Variants in HK1 observed in about 807,000 individuals in gnomAD.
The protein encoded by HK1 is hexokinase-1.
In HK1, 28 loss-of-function variants were observed where a neutral mutation model predicts 91.6. That is an observed-to-expected ratio of 0.31 (90% CI 0.23 to 0.42). HK1 has a LOEUF of 0.42. HK1 is among the 10% of genes least tolerant of loss of function. HK1 has a pLI of 1.00. For synonymous variants in HK1, 430 were observed against 468.1 expected, an observed-to-expected ratio of 0.92 and a Z score of 1.05; for missense variants, 770 against 1,219.8, an observed-to-expected ratio of 0.63 and a Z score of 5.49.
intron 5 of HK1, 88 bp downstream of exon 5, chr10:69,368,719 G>T: frequency 9.9e-7 from 1 of 1,013,756 alleles, no homozygotes; most frequent in African/African-American, 1.6e-5. Flanking sequence ...CCTTCCTGGG[G>T]GGCAGTAGTG....
intron 4 of HK1, among the ~76,000 whole-genome samples, chr10:69,296,021 T>A (rs1210492600): frequency 6.6e-6 from 1 of 151,966 alleles, no homozygotes; most frequent in Non-Finnish European, 1.5e-5. Flanking sequence ...AATGGAAGGG[T>A]CTCTCCCCTC....
At chr10:69,343,315 TTGTC>T (rs1848383916) in intron 1 of HK1, among the ~76,000 whole-genome samples, 9 of 152,222 alleles carry the variant, frequency 5.9e-5, no homozygotes, top group Admixed American at 1.3e-4. Flanking sequence ...TCATTTGAAC[TTGTC>T]CTATATGTTA....
intron 15 of HK1, among the ~76,000 whole-genome samples, chr10:69,393,170 G>A (rs949613332): frequency 1.3e-5 from 2 of 151,800 alleles, no homozygotes; most frequent in African/African-American, 4.8e-5. Context: ...TAGTAGAGAC[G>A]GGGTTTCTCC....
chr10:69,347,581 G>A (rs191048933), intron 2 of HK1, among the ~76,000 whole-genome samples: 1 of 151,694 alleles, frequency 6.6e-6, no homozygotes, highest in Non-Finnish European at 1.5e-5. Flanking sequence ...GATTACAAGT[G>A]CGCACCACCA....
At chr10:69,301,234 G>C (rs1256438721) in intron 5 of HK1, among the ~76,000 whole-genome samples, 6 of 115,116 alleles carry the variant, frequency 5.2e-5, no homozygotes, top group African/African-American at 2.1e-4. Flanking sequence ...GACAGAGCAA[G>C]ACTCCATCTC....
chr10:69,366,494 G>A (rs1407600276), intron 4 of HK1, among the ~76,000 whole-genome samples: 2 of 152,090 alleles, frequency 1.3e-5, no homozygotes, highest in East Asian at 3.9e-4. Flanking sequence ...CAAGATGAGC[G>A]CAGAGGTCTC....
At position 69,359,996 on chromosome 10, in the gene HK1, C is replaced by G; in HGVS notation, c.326C>G (p.Ser109Cys). ...HEKNQNVHMESEVYDTPENIV... is the reference protein window; with the variant it reads ...HEKNQNVHMECEVYDTPENIV... ...AAAAACCAGAATGTTCACATGGAGTCCGAGGTTTATGACACCCCAGAGAAC... is the reference window on the plus strand; with the variant it reads ...AAAAACCAGAATGTTCACATGGAGTGCGAGGTTTATGACACCCCAGAGAAC... The change falls in exon 3 of 18, where the codon TCC becomes TGC. Residue 109 changes from serine to cysteine, a missense_variant. By Grantham distance (112) the Ser-to-Cys change is moderately radical. This residue lies in a region of HK1 where 449 missense variants were observed against 665.1 expected (regional missense o/e 0.68). Coordinates refer to ENST00000359426, the MANE Select transcript of HK1 (RefSeq NM_000188.3). 6.2e-7 allele frequency: 1 copy of G among 1,614,134 alleles called. No homozygotes were observed. The highest frequency in any genetic ancestry group is 8.5e-7 in the Non-Finnish European group (1 of 1,179,988).
At chr10:69,335,466 GCC>G (rs1374196368) in intron 1 of HK1, among the ~76,000 whole-genome samples, 2 of 152,176 alleles carry the variant, frequency 1.3e-5, no homozygotes, top group Non-Finnish European at 1.5e-5. Flanking sequence ...GGCGGTGATA[GCC>G]CCTGTAGTAC....
chr10:69,336,035 G>A (rs1589503204), intron 1 of HK1, among the ~76,000 whole-genome samples: 1 of 152,302 alleles, frequency 6.6e-6, no homozygotes, highest in East Asian at 1.9e-4. Context: ...TGTTTAGGGA[G>A]GAAGATAGTC....
intron 1 of HK1, among the ~76,000 whole-genome samples, chr10:69,273,526 A>G (rs1844285502): frequency 6.6e-6 from 1 of 152,102 alleles, no homozygotes; most frequent in African/African-American, 2.4e-5. Context: ...TAACTTTTGT[A>G]TTTTTAGTAG....
intron 5 of HK1, among the ~76,000 whole-genome samples, chr10:69,306,802 C>G (rs1423555072): frequency 2.6e-5 from 4 of 152,146 alleles, no homozygotes; most frequent in African/African-American, 7.2e-5. Context: ...GGGAAGCCCC[C>G]TGGGAAGATA....
intron 16 of HK1, among the ~76,000 whole-genome samples, chr10:69,396,001 G>A (rs931539433): frequency 2.0e-5 from 3 of 152,142 alleles, no homozygotes; most frequent in African/African-American, 7.2e-5. Flanking sequence ...GCTGGGCACG[G>A]TGGCTCATGC....
At chr10:69,319,534 G>T (rs190945178) in intron 1 of HK1, among the ~76,000 whole-genome samples, 52 of 152,382 alleles carry the variant, frequency 3.4e-4, no homozygotes, top group Non-Finnish European at 6.9e-4. Flanking sequence ...ATCTGAGGAC[G>T]AGGTGACCCG....
intron 1 of HK1, among the ~76,000 whole-genome samples, chr10:69,322,047 G>T (rs944347253): frequency 1.3e-5 from 2 of 152,278 alleles, no homozygotes; most frequent in Middle Eastern, 3.4e-3. Flanking sequence ...ATCTCATCTC[G>T]CCAGCTTCTT....
At chr10:69,334,935 G>A (rs1040432625) in intron 1 of HK1, among the ~76,000 whole-genome samples, 1 of 152,162 alleles carries the variant, frequency 6.6e-6, no homozygotes, top group Admixed American at 6.5e-5. Flanking sequence ...TGAGTTGGGA[G>A]GTGAGCTTTG....
chr10:69,361,678 C>A (rs1849426139), intron 3 of HK1, among the ~76,000 whole-genome samples: 1 of 152,206 alleles, frequency 6.6e-6, no homozygotes, highest in Admixed American at 6.5e-5. Context: ...CAGCCTCTAT[C>A]CCCATCGTCC....
intron 13 of HK1, among the ~76,000 whole-genome samples, chr10:69,388,865 C>T (rs1238818713): frequency 1.3e-5 from 2 of 152,062 alleles, no homozygotes; most frequent in Non-Finnish European, 2.9e-5. Flanking sequence ...ATTTTGCCCT[C>T]TGAAAGGCCA....
chr10:69,383,416 A>G (rs543757821), intron 10 of HK1, among the ~76,000 whole-genome samples: 74 of 152,354 alleles, frequency 4.9e-4, no homozygotes, highest in Non-Finnish European at 9.4e-4. Flanking sequence ...GCTGATCATT[A>G]TGGGGAATCT....
At chr10:69,362,052 G>A (rs758553958) in intron 3 of HK1, among the ~76,000 whole-genome samples, 10 of 152,148 alleles carry the variant, frequency 6.6e-5, no homozygotes, top group Non-Finnish European at 1.3e-4. Context: ...GCCTGTTCAG[G>A]TGTGAGCCAC....
Sources: allele counts gnomAD v4.1 joint callset (sites outside exome capture counted in the v4.1 genomes callset), GRCh38; gene constraint gnomAD v4.1.1; regional missense constraint gnomAD v4.1.1; transcripts MANE v1.5; gene names NCBI Gene and HGNC (gene_info 2026-07-23, HGNC 2026-07-21).